The following GNAT3 variants were observed in gnomAD, a reference collection of about 807,000 sequenced individuals.
GNAT3 encodes guanine nucleotide-binding protein G(t) subunit alpha-3.
In GNAT3, 31 loss-of-function variants were observed where a neutral mutation model predicts 37.7. The ratio of observed to expected loss-of-function variants is 0.82; its 90% CI spans 0.62 to 1.11. GNAT3 has a LOEUF of 1.11. Ranked by LOEUF, GNAT3 falls within the 50% of genes most tolerant of loss-of-function variation. GNAT3 has a pLI of 0.00. For synonymous variants in GNAT3, 138 were observed against 139.8 expected, an observed-to-expected ratio of 0.99 and a Z score of 0.09; for missense variants, 437 against 412.5, an observed-to-expected ratio of 1.06 and a Z score of -0.51.
chr7:80,497,869 T>C (rs891841850), intron 1 of GNAT3, among the ~76,000 whole-genome samples: 1 of 152,028 alleles, frequency 6.6e-6, no homozygotes, highest in Non-Finnish European at 1.5e-5. Context: ...TAAAAGATGA[T>C]ATAATTTCTA....
intron 5 of GNAT3, among the ~76,000 whole-genome samples, chr7:80,469,326 G>C (rs1562720922): frequency 6.6e-6 from 1 of 151,892 alleles, no homozygotes; most frequent in Admixed American, 6.6e-5. Flanking sequence ...TTCCATCATG[G>C]AAAAATTAGG....
chr7:80,482,884 G>A (rs1249867911), intron 3 of GNAT3, among the ~76,000 whole-genome samples: 1 of 151,576 alleles, frequency 6.6e-6, no homozygotes, highest in Non-Finnish European at 1.5e-5. Context: ...TATTTGTAGA[G>A]GTATCATGAA....
intron 2 of GNAT3, among the ~76,000 whole-genome samples, chr7:80,493,103 T>A (rs2116202065): frequency 6.6e-6 from 1 of 152,228 alleles, no homozygotes; most frequent in African/African-American, 2.4e-5. Context: ...GGCTTAATTT[T>A]ATTTACGGTT....
chr7:80,501,858 C>T (rs1300458557), intron 1 of GNAT3, among the ~76,000 whole-genome samples: 1 of 152,000 alleles, frequency 6.6e-6, no homozygotes, highest in East Asian at 1.9e-4. Flanking sequence ...CTACAAGTAC[C>T]TATTTCTGTG....
chr7:80,506,436 A>T (rs1034955364), intron 1 of GNAT3, among the ~76,000 whole-genome samples: 1 of 152,172 alleles, frequency 6.6e-6, no homozygotes. Flanking sequence ...TTATTTGTCT[A>T]TGTGCTTTTG....
At chr7:80,511,302 A>AT (rs1368170079) in intron 1 of GNAT3, among the ~76,000 whole-genome samples, 1 of 152,148 alleles carries the variant, frequency 6.6e-6, no homozygotes, top group African/African-American at 2.4e-5. Context: ...AGCCTAAGTA[A>AT]TATTGTTAAT....
chr7:80,498,574 G>A (rs1407829311), intron 1 of GNAT3, among the ~76,000 whole-genome samples: 1 of 151,960 alleles, frequency 6.6e-6, no homozygotes, highest in Non-Finnish European at 1.5e-5. Context: ...ATAAATTATT[G>A]AGCCCCATTC....
chr7:80,465,984 G>GT (rs1790123165), intron 5 of GNAT3, among the ~76,000 whole-genome samples: 1 of 152,066 alleles, frequency 6.6e-6, no homozygotes, highest in Admixed American at 6.6e-5. Flanking sequence ...TAAACTCCTG[G>GT]TGGGCTTTTC....
intron 1 of GNAT3, among the ~76,000 whole-genome samples, chr7:80,495,139 A>C (rs990571967): frequency 6.6e-6 from 1 of 152,030 alleles, no homozygotes; most frequent in Non-Finnish European, 1.5e-5. Flanking sequence ...TTTTCCATTG[A>C]TGGACACTTA....
intron 5 of GNAT3, 81 bp downstream of exon 5, chr7:80,474,170 G>A: frequency 4.4e-6 from 6 of 1,367,602 alleles, no homozygotes; most frequent in Non-Finnish European, 6.1e-6. Context: ...ACCTGAACAT[G>A]GGCTAGAGCT....
intron 5 of GNAT3, among the ~76,000 whole-genome samples, chr7:80,464,077 A>C (rs1185180423): frequency 6.6e-6 from 1 of 151,696 alleles, no homozygotes; most frequent in Non-Finnish European, 1.5e-5. Context: ...AAGCTTTTAA[A>C]CTGGTGGTGA....
Position 80,469,584 on chromosome 7 carries a change from TG to T in GNAT3, c.590+4666del, listed in dbSNP as rs577101967. Among the ~76,000 whole-genome samples, 7 of 152,318 alleles carry T rather than the reference TG, an allele frequency of 4.6e-5. No homozygotes were observed. In the South Asian group the frequency reaches 1.4e-3, roughly 32 times the overall value. On this transcript the variant is annotated intron_variant, in intron 5 of 7. Coordinates refer to ENST00000398291, the MANE Select transcript of GNAT3 (RefSeq NM_001102386.3). The stretch of plus-strand genomic sequence containing the variant: ...GATACACAATTATGATACAGTACAT[TG>T]GCAGAGATAATTTTTCATTTTGGTG...
intron 1 of GNAT3, among the ~76,000 whole-genome samples, chr7:80,499,318 A>C (rs892828926): frequency 6.6e-6 from 1 of 152,186 alleles, no homozygotes; most frequent in African/African-American, 2.4e-5. Context: ...AAATACCAAA[A>C]TGGTTTCAAC....
At chr7:80,511,259 A>T (rs1229431519) in intron 1 of GNAT3, among the ~76,000 whole-genome samples, 1 of 152,152 alleles carries the variant, frequency 6.6e-6, no homozygotes, top group Non-Finnish European at 1.5e-5. Flanking sequence ...GTATTTTTCA[A>T]GTGTACAGGC....
intron 4 of GNAT3, among the ~76,000 whole-genome samples, chr7:80,477,094 A>G (rs1409399383): frequency 1.3e-5 from 2 of 152,174 alleles, no homozygotes; most frequent in Admixed American, 6.5e-5. Context: ...AATGGAGTAG[A>G]TAGTCCCAGT....
At chr7:80,497,818 T>C (rs930781107) in intron 1 of GNAT3, among the ~76,000 whole-genome samples, 13 of 151,738 alleles carry the variant, frequency 8.6e-5, no homozygotes, top group African/African-American at 3.1e-4. Context: ...CAACTAGAAA[T>C]GAGAAAAAAG....
At chr7:80,461,612 C>A (rs968162943) in intron 7 of GNAT3, among the ~76,000 whole-genome samples, 1 of 144,000 alleles carries the variant, frequency 6.9e-6, no homozygotes, top group Non-Finnish European at 1.5e-5. Flanking sequence ...AAATAAAATT[C>A]TTTCTGAAGG....
rs1562733092 is a variant in GNAT3, at chr7:80,497,672, A to ATATACGTATATACC, written c.119-3026_119-3025insGGTATATACGTATA. On this transcript the variant is annotated intron_variant, in intron 1 of 7. Coordinates refer to ENST00000398291, the MANE Select transcript of GNAT3 (RefSeq NM_001102386.3). ...TACGTATATACATATACGTATATAC[A>ATATACGTATATACC]TACATATATACACACACACTGTCTT... Among the ~76,000 whole-genome samples the ATATACGTATATACC allele has an allele frequency of 1.3e-3, 125 of 94,598 alleles. 30 individuals are homozygous for ATATACGTATATACC. Among genetic ancestry groups the ATATACGTATATACC allele is most frequent in the African/African-American group, 9.7e-3 (114 of 11,704 alleles). The allele number at this position is 94,598 out of a possible 152,430, so 62.1% of individuals were successfully genotyped here. A position where few individuals can be genotyped will look rare whatever the true frequency, so the allele number is the denominator to read the frequency against.
intron 3 of GNAT3, among the ~76,000 whole-genome samples, chr7:80,479,352 A>G (rs1790353478): frequency 6.6e-6 from 1 of 152,112 alleles, no homozygotes; most frequent in South Asian, 2.1e-4. Flanking sequence ...ATAAAAATTA[A>G]GCTGATTTAA....
Sources: gnomAD v4.1 joint callset for allele counts (sites outside exome capture counted in the v4.1 genomes callset) on GRCh38, gnomAD v4.1.1 for gene constraint, MANE v1.5 for transcripts, NCBI Gene and HGNC (gene_info 2026-07-23, HGNC 2026-07-21) for gene names.